The following NEGR1 variants were observed in gnomAD, a reference collection of about 807,000 sequenced individuals.
The protein encoded by NEGR1 is IgLON family member 4.
In NEGR1, 10 loss-of-function variants were observed where a neutral mutation model predicts 40.9. That is an observed-to-expected ratio of 0.24 (90% confidence interval 0.15 to 0.42). NEGR1 has a LOEUF of 0.42. NEGR1 is among the 10% of genes least tolerant of loss of function. NEGR1 has a pLI of 1.00. For synonymous variants in NEGR1, 185 were observed against 166.8 expected, an observed-to-expected ratio of 1.11 and a Z score of -0.84; for missense variants, 352 against 438.9, an observed-to-expected ratio of 0.80 and a Z score of 1.77.
intron 2 of NEGR1, among the ~76,000 whole-genome samples, chr1:71,869,395 A>G (rs954607147): frequency 7.9e-5 from 12 of 152,320 alleles, no homozygotes; most frequent in African/African-American, 2.9e-4. Flanking sequence ...ATAGCCAAAA[A>G]TACTAAAATA....
chr1:72,011,306 AAT>A (rs1001979022), intron 1 of NEGR1, among the ~76,000 whole-genome samples: 24 of 152,252 alleles, frequency 1.6e-4, no homozygotes, highest in Admixed American at 1.2e-3. Context: ...TTGGTATTAG[AAT>A]AATTCAGAAA....
intron 6 of NEGR1, among the ~76,000 whole-genome samples, chr1:71,437,999 C>A (rs760379613): frequency 2.0e-5 from 3 of 152,198 alleles, no homozygotes; most frequent in African/African-American, 4.8e-5. Context: ...ACAGGGGCTG[C>A]ATGGTTTGCT....
intron 2 of NEGR1, among the ~76,000 whole-genome samples, chr1:71,873,118 C>CAAAAAAAAA (rs34592789): frequency 2.2e-3 from 178 of 81,428 alleles, no homozygotes; most frequent in East Asian, 3.3e-3. Context: ...AAAGATGTAG[C>CAAAAAAAAA]AAAAAAAAAA....
At chr1:71,966,327 C>T (rs1646209150) in intron 1 of NEGR1, among the ~76,000 whole-genome samples, 1 of 152,146 alleles carries the variant, frequency 6.6e-6, no homozygotes, top group Non-Finnish European at 1.5e-5. Flanking sequence ...CGTGCTCTGT[C>T]CAAAGCATCA....
intron 1 of NEGR1, among the ~76,000 whole-genome samples, chr1:71,954,299 T>C (rs997211993): frequency 2.0e-5 from 3 of 151,952 alleles, no homozygotes; most frequent in Admixed American, 2.0e-4. Flanking sequence ...CATAATTCGC[T>C]TGGAGGTAAA....
intron 2 of NEGR1, among the ~76,000 whole-genome samples, chr1:71,830,466 A>T (rs1408370517): frequency 6.6e-6 from 1 of 151,950 alleles, no homozygotes; most frequent in Non-Finnish European, 1.5e-5. Context: ...AATTAAAAAA[A>T]AATAGGCCGT....
chr1:71,535,500 G>A (rs79493177), intron 6 of NEGR1, among the ~76,000 whole-genome samples: 3 of 151,620 alleles, frequency 2.0e-5, no homozygotes, highest in Admixed American at 6.6e-5. Flanking sequence ...ATTATGTTGC[G>A]TGCAGGATCC....
At chr1:72,218,945 T>C (rs1000281026) in intron 1 of NEGR1, among the ~76,000 whole-genome samples, 1 of 152,094 alleles carries the variant, frequency 6.6e-6, no homozygotes, top group Non-Finnish European at 1.5e-5. Context: ...AATTCACAAA[T>C]GCACACAAGA....
At chr1:71,935,722 C>G (rs1645899450) in intron 1 of NEGR1, among the ~76,000 whole-genome samples, 1 of 152,096 alleles carries the variant, frequency 6.6e-6, no homozygotes, top group Non-Finnish European at 1.5e-5. Flanking sequence ...TGACCTGACC[C>G]AATCTGATAC....
chr1:71,684,309 ATAT>A (rs1349657250), intron 4 of NEGR1, among the ~76,000 whole-genome samples: 1 of 152,006 alleles, frequency 6.6e-6, no homozygotes, highest in Non-Finnish European at 1.5e-5. Context: ...AATATTACTA[ATAT>A]TATTAAAATT....
chr1:71,897,413 C>A (rs1345049534), intron 2 of NEGR1, among the ~76,000 whole-genome samples: 1 of 152,190 alleles, frequency 6.6e-6, no homozygotes, highest in East Asian at 1.9e-4. Context: ...AAAAGCCCCT[C>A]AACTTCTGTG....
At chr1:71,631,791 G>A (rs2101564999) in intron 4 of NEGR1, among the ~76,000 whole-genome samples, 1 of 151,872 alleles carries the variant, frequency 6.6e-6, no homozygotes, top group South Asian at 2.1e-4. Flanking sequence ...TTAACCTTCA[G>A]TGGACAAAAG....
chr1:71,428,015 T>C (rs564580006), intron 6 of NEGR1, among the ~76,000 whole-genome samples: 1 of 123,178 alleles, frequency 8.1e-6, no homozygotes, highest in East Asian at 2.5e-4. Context: ...CACACACACA[T>C]GCATGCACAC....
rs1263904134 is a variant in NEGR1 at position 72,134,377 on chromosome 1, T to TA, written c.176+147941_176+147942insT. Among the ~76,000 whole-genome samples the TA allele has an allele frequency of 2.6e-5, 4 of 151,936 alleles. No homozygotes were observed. In the East Asian group the frequency reaches 7.8e-4, roughly 30 times the overall value. ...CCCGCCACCACGCCCGCTAATGTTT[T>TA]GTATTTTTAGTAGAGACAGGGTTTC... On this transcript the variant is annotated intron_variant, in intron 1 of 6. Coordinates refer to ENST00000357731, the MANE Select transcript of NEGR1 (RefSeq NM_173808.3).
At chr1:72,273,295 T>C (rs1289788413) in intron 1 of NEGR1, among the ~76,000 whole-genome samples, 1 of 151,992 alleles carries the variant, frequency 6.6e-6, no homozygotes, top group African/African-American at 2.4e-5. Context: ...TATATCCTTA[T>C]TGATTTTGTT....
At chr1:72,241,539 T>C (rs560392836) in intron 1 of NEGR1, among the ~76,000 whole-genome samples, 11 of 151,714 alleles carry the variant, frequency 7.3e-5, no homozygotes, top group Admixed American at 4.6e-4. Context: ...GTAAAAAGTA[T>C]GCAACAGAGT....
At chr1:72,244,553 C>A (rs1281623762) in intron 1 of NEGR1, among the ~76,000 whole-genome samples, 1 of 151,624 alleles carries the variant, frequency 6.6e-6, no homozygotes, top group African/African-American at 2.4e-5. Context: ...ACCAAGACTC[C>A]CATTTGGTAA....
intron 4 of NEGR1, among the ~76,000 whole-genome samples, chr1:71,660,199 A>G (rs1652010560): frequency 1.3e-5 from 2 of 152,226 alleles, no homozygotes; most frequent in Admixed American, 1.3e-4. Flanking sequence ...GCTGGAGGCT[A>G]TTATCCTTAG....
chr1:71,828,305 T>G (rs1020832837), intron 2 of NEGR1, among the ~76,000 whole-genome samples: 16 of 151,938 alleles, frequency 1.1e-4, no homozygotes, highest in African/African-American at 2.9e-4. Flanking sequence ...GTTTGAAAAT[T>G]GTTTTTATCC....
Sources: gnomAD v4.1 joint callset for allele counts (sites outside exome capture counted in the v4.1 genomes callset) on GRCh38, gnomAD v4.1.1 for gene constraint, MANE v1.5 for transcripts, NCBI Gene and HGNC (gene_info 2026-07-23, HGNC 2026-07-21) for gene names.